Variants in CAMKMT observed in about 807,000 individuals in gnomAD.
CAMKMT encodes the protein CaM KMT.
A neutral mutation model predicts 48.0 loss-of-function variants in CAMKMT; 53 were observed. That is an observed-to-expected ratio of 1.10 (90% CI 0.89 to 1.39). The LOEUF (loss-of-function observed/expected upper bound fraction) is 1.39. Ranked by LOEUF, CAMKMT falls within the 40% of genes most tolerant of loss-of-function variation. CAMKMT has a pLI of 0.00. For missense variants in CAMKMT, 428 were observed against 402.7 expected, an observed-to-expected ratio of 1.06 and a Z score of -0.54; for synonymous variants, 165 against 152.3, an observed-to-expected ratio of 1.08 and a Z score of -0.61.
At chr2:44,484,363 A>G (rs1669112902) in intron 3 of CAMKMT, among the ~76,000 whole-genome samples, 1 of 152,156 alleles carries the variant, frequency 6.6e-6, no homozygotes, top group Non-Finnish European at 1.5e-5. Flanking sequence ...ATAGCGTGGT[A>G]TTGGTGTAAG....
At chr2:44,662,816 A>G (rs1674751571) in intron 3 of CAMKMT, among the ~76,000 whole-genome samples, 1 of 152,120 alleles carries the variant, frequency 6.6e-6, no homozygotes, top group African/African-American at 2.4e-5. Flanking sequence ...TTCCTACCTC[A>G]GCCTCCCAAA....
At chr2:44,432,777 C>T (rs1236307373) in intron 3 of CAMKMT, among the ~76,000 whole-genome samples, 1 of 151,090 alleles carries the variant, frequency 6.6e-6, no homozygotes, top group Non-Finnish European at 1.5e-5. Context: ...ACTAACTGGT[C>T]TTCTGGTTGC....
intron 3 of CAMKMT, among the ~76,000 whole-genome samples, chr2:44,552,488 C>T (rs1667772467): frequency 6.6e-6 from 1 of 152,086 alleles, no homozygotes; most frequent in Non-Finnish European, 1.5e-5. Flanking sequence ...CTCCAAAATC[C>T]TGGAATCTTA....
At chr2:44,364,084 A>G (rs1678337365) in intron 1 of CAMKMT, among the ~76,000 whole-genome samples, 2 of 145,672 alleles carry the variant, frequency 1.4e-5, no homozygotes. Flanking sequence ...CCTGGGCTCA[A>G]GCAATCCTCC....
intron 1 of CAMKMT, among the ~76,000 whole-genome samples, chr2:44,363,016 G>A (rs79406806): frequency 0.025 from 3,736 of 152,298 alleles, 173 homozygotes; most frequent in African/African-American, 0.086. Context: ...TTGGAAAAGA[G>A]TTTCCCAGCT....
At chr2:44,685,596 C>T (rs1330437218) in intron 3 of CAMKMT, among the ~76,000 whole-genome samples, 2 of 152,138 alleles carry the variant, frequency 1.3e-5, no homozygotes, top group Non-Finnish European at 2.9e-5. Context: ...AACAGTGCAG[C>T]AGACAAGGGA....
At chr2:44,376,882 G>A (rs954869447) in intron 2 of CAMKMT, among the ~76,000 whole-genome samples, 5 of 152,090 alleles carry the variant, frequency 3.3e-5, no homozygotes, top group African/African-American at 1.2e-4. Flanking sequence ...GTTTGTTGTC[G>A]TCTTTGTCTA....
intron 3 of CAMKMT, among the ~76,000 whole-genome samples, chr2:44,624,255 C>T (rs1203652686): frequency 6.6e-6 from 1 of 152,028 alleles, no homozygotes; most frequent in African/African-American, 2.4e-5. Context: ...TATAAATTTT[C>T]ATTATTCTTG....
chr2:44,568,216 A>G (rs1444732847), intron 3 of CAMKMT, among the ~76,000 whole-genome samples: 1 of 152,170 alleles, frequency 6.6e-6, no homozygotes, highest in Non-Finnish European at 1.5e-5. Context: ...AAACGAGCAA[A>G]ACAAGCTGAG....
intron 3 of CAMKMT, among the ~76,000 whole-genome samples, chr2:44,648,955 A>T (rs1028970757): frequency 2.6e-5 from 4 of 152,206 alleles, no homozygotes; most frequent in Non-Finnish European, 5.9e-5. Flanking sequence ...CTTTATAAAA[A>T]GTCATCTAGA....
intron 3 of CAMKMT, among the ~76,000 whole-genome samples, chr2:44,605,703 A>G (rs887364250): frequency 1.3e-5 from 2 of 152,156 alleles, no homozygotes; most frequent in Non-Finnish European, 2.9e-5. Flanking sequence ...TCAAAGTCTC[A>G]TGGGCAGTGA....
At chr2:44,500,728 C>G (rs1432041826) in intron 3 of CAMKMT, among the ~76,000 whole-genome samples, 1 of 149,722 alleles carries the variant, frequency 6.7e-6, no homozygotes, top group East Asian at 1.9e-4. Flanking sequence ...GTTGCCCAGG[C>G]TGGAGTGCAG....
At chr2:44,628,138 G>A (rs532760166) in intron 3 of CAMKMT, among the ~76,000 whole-genome samples, 16 of 152,138 alleles carry the variant, frequency 1.1e-4, no homozygotes, top group Non-Finnish European at 2.1e-4. Flanking sequence ...TGTAGAGATG[G>A]CATCTCACTA....
In CAMKMT at chr2:44,619,981, G is replaced by A. The variant is rs559231044; in HGVS notation, c.377-84302G>A. ...TGACAACCCATGCCCAGTCTTGCCC[G>A]CTGAAAATCCCATTCAGTACTTCTT... On this transcript the variant is annotated intron_variant, in intron 3 of 10. Coordinates refer to ENST00000378494, the MANE Select transcript of CAMKMT (RefSeq NM_024766.5). 8.5e-5 allele frequency among the ~76,000 whole-genome samples: 13 copies of A among 152,192 alleles called. No individual in the cohort carries two copies. In the East Asian group the frequency reaches 1.5e-3, roughly 18 times the overall value.
At chr2:44,530,267 A>T (rs1666412914) in intron 3 of CAMKMT, among the ~76,000 whole-genome samples, 1 of 152,208 alleles carries the variant, frequency 6.6e-6, no homozygotes, top group Admixed American at 6.5e-5. Context: ...AAAAATTCTG[A>T]ATGTATTATC....
intron 3 of CAMKMT, chr2:44,394,803 T>C: frequency 2.2e-6 from 1 of 452,964 alleles, no homozygotes; most frequent in Non-Finnish European, 4.4e-6. Context: ...TTTGTCTGTT[T>C]GTGATGTATC....
At chr2:44,726,935 C>T (rs903006244) in intron 7 of CAMKMT, among the ~76,000 whole-genome samples, 8 of 151,958 alleles carry the variant, frequency 5.3e-5, no homozygotes, top group African/African-American at 1.7e-4. Flanking sequence ...TGCAAGTGTG[C>T]GGCTTTATTT....
chr2:44,648,607 C>A (rs1413249572), intron 3 of CAMKMT, among the ~76,000 whole-genome samples: 5 of 152,118 alleles, frequency 3.3e-5, no homozygotes, highest in Non-Finnish European at 7.4e-5. Context: ...TTTTAAAGAC[C>A]ATACACAGGG....
intron 3 of CAMKMT, among the ~76,000 whole-genome samples, chr2:44,680,875 A>G (rs116528330): frequency 0.016 from 2,405 of 152,244 alleles, 30 homozygotes; most frequent in African/African-American, 0.034. Flanking sequence ...TGCGCCACTA[A>G]ACTTGCCACC....
Sources: allele counts gnomAD v4.1 joint callset (sites outside exome capture counted in the v4.1 genomes callset), GRCh38; gene constraint gnomAD v4.1.1; transcripts MANE v1.5; gene names NCBI Gene and HGNC (gene_info 2026-07-23, HGNC 2026-07-21).